Variants in HSDL2 observed in about 807,000 individuals in gnomAD.
The protein encoded by HSDL2 is hydroxysteroid dehydrogenase-like protein 2.
HSDL2 carries 27 observed loss-of-function variants against 46.3 expected under a neutral mutation model. That is an observed-to-expected ratio of 0.58 (90% CI 0.43 to 0.80). The LOEUF is 0.80. Among genes scored for constraint, HSDL2 ranks in the 30% least tolerant of loss-of-function variants. The pLI is 0.00. For synonymous variants in HSDL2, 153 were observed against 163.6 expected (o/e 0.94, Z 0.50); for missense variants, 451 against 502.7 (o/e 0.90, Z 0.98).
At chr9:112,436,960 C>CTTTTTTTTTTTTTTT (rs780957603) in intron 6 of HSDL2, among the ~76,000 whole-genome samples, 14 of 126,778 alleles carry the variant, frequency 1.1e-4, no homozygotes, top group Admixed American at 2.6e-4. Context: ...TTCTTTTTTT[C>CTTTTTTTTTTTTTTT]TTTTTTTTTT....
chr9:112,427,712 T>G (rs1196770272), intron 6 of HSDL2, among the ~76,000 whole-genome samples: 1 of 152,110 alleles, frequency 6.6e-6, no homozygotes, highest in African/African-American at 2.4e-5. Context: ...TCATTCCAGA[T>G]TTTCCTGATT....
At chr9:112,459,647 C>T in intron 10 of HSDL2, 70 bp downstream of exon 10, 1 of 1,335,924 alleles carries the variant, frequency 7.5e-7, no homozygotes, top group Non-Finnish European at 1.1e-6. Context: ...TTGCTTTATC[C>T]CTTCCCAAAT....
intron 4 of HSDL2, among the ~76,000 whole-genome samples, chr9:112,414,447 G>A (rs1427303135): frequency 1.3e-5 from 2 of 152,114 alleles, no homozygotes; most frequent in African/African-American, 4.8e-5. Context: ...TTCGGCTGAA[G>A]GTATCAGTAT....
chr9:112,421,935 A>T (rs1390763344), intron 6 of HSDL2, among the ~76,000 whole-genome samples: 1 of 152,176 alleles, frequency 6.6e-6, no homozygotes, highest in Non-Finnish European at 1.5e-5. Context: ...GTTCTCTCTG[A>T]GCTAGAGGAC....
At chr9:112,415,743 T>C (rs1206179236) in intron 4 of HSDL2, among the ~76,000 whole-genome samples, 1 of 152,170 alleles carries the variant, frequency 6.6e-6, no homozygotes, top group African/African-American at 2.4e-5. Context: ...GGATGAAAAT[T>C]AGTTGCTTTT....
In HSDL2 at chr9:112,405,706, C is replaced by A; in HGVS notation, c.264C>A (p.Ala88=). The A allele has an allele frequency of 6.2e-7, 1 of 1,608,044 alleles. No homozygotes were observed. The highest frequency in any genetic ancestry group is 8.5e-7 in the Non-Finnish European group (1 of 1,176,530). The change falls in exon 3 of 11, where the codon GCC becomes GCA. Residue 88 remains alanine, a synonymous_variant. Coordinates refer to ENST00000398805, the MANE Select transcript of HSDL2 (RefSeq NM_032303.5). The part of the protein sequence containing the change: ...EQQISAAVEK[A]IKKFGGIDIL... ...AGATCAGTGCTGCAGTGGAGAAAGC[C>A]ATCAAGAAATTTGGAGGTAATACCT...
intron 10 of HSDL2, among the ~76,000 whole-genome samples, chr9:112,461,771 C>T (rs1833216989): frequency 6.6e-6 from 1 of 152,144 alleles, no homozygotes; most frequent in Admixed American, 6.6e-5. Flanking sequence ...AACTCCAAAG[C>T]TTATGCTCTT....
At chr9:112,404,536 A>T (rs1587935801) in intron 2 of HSDL2, among the ~76,000 whole-genome samples, 1 of 141,278 alleles carries the variant, frequency 7.1e-6, no homozygotes, top group Non-Finnish European at 1.6e-5. Context: ...TCCATCTCTT[A>T]AAAAAAAAAA....
At chr9:112,464,213 GACACACACACAGACACACACACACACAC>G (rs1371224890) in intron 10 of HSDL2, among the ~76,000 whole-genome samples, 2 of 146,626 alleles carry the variant, frequency 1.4e-5, no homozygotes, top group Non-Finnish European at 3.0e-5. Flanking sequence ...CACACACACA[GACACACACACAGACACACACACACACAC>G]ACACACACAC....
chr9:112,452,761 C>T (rs1163968508), intron 8 of HSDL2, among the ~76,000 whole-genome samples: 1 of 152,028 alleles, frequency 6.6e-6, no homozygotes, highest in African/African-American at 2.4e-5. Context: ...AATAAAGGAA[C>T]AGAGACAGTA....
intron 8 of HSDL2, among the ~76,000 whole-genome samples, chr9:112,450,954 A>G (rs1038327106): frequency 6.6e-6 from 1 of 152,124 alleles, no homozygotes; most frequent in African/African-American, 2.4e-5. Context: ...TGTAATCCCA[A>G]TCATGGGTGG....
rs543331423 is a variant in HSDL2, at chr9:112,380,149, T to C, written c.-15T>C. 2 of 1,569,450 alleles carry C rather than the reference T, an allele frequency of 1.3e-6. No individual in the cohort carries two copies. Among genetic ancestry groups the C allele is most frequent in the East Asian group, 2.3e-5 (1 of 42,658 alleles). On this transcript the variant is annotated 5_prime_UTR_variant, in exon 1 of 11. Transcript: ENST00000398805. ...CCGCCGCTGTCGCCGCCACCTCCTC[T>C]GATCTACGAAAGTCATGTTACCCAA...
intron 6 of HSDL2, among the ~76,000 whole-genome samples, chr9:112,427,858 G>A (rs1439503224): frequency 6.6e-6 from 1 of 152,176 alleles, no homozygotes; most frequent in Admixed American, 6.5e-5. Context: ...TGATTGGACA[G>A]TTATCACGCA....
chr9:112,469,236 T>C (rs1290335678), intron 10 of HSDL2, among the ~76,000 whole-genome samples: 1 of 151,742 alleles, frequency 6.6e-6, no homozygotes, highest in Non-Finnish European at 1.5e-5. Context: ...TAGCTTAATA[T>C]AATATATATA....
At position 112,472,256 on chromosome 9, in the gene HSDL2, G is replaced by C. The variant is rs1329172561; in HGVS notation, c.*1712G>C. The C allele has an allele frequency of 6.6e-6, 1 of 152,166 alleles. No homozygotes were observed. The highest frequency in any genetic ancestry group is 2.4e-5 in the African/African-American group (1 of 41,418). 9.4% of individuals were successfully genotyped at this position (152,166 alleles called of 1,614,324 possible). On this transcript the variant is annotated 3_prime_UTR_variant, in exon 11 of 11. Transcript: ENST00000398805. ...GAAGTAACCTGATGTTAACCAATCTGCTGTGTCTACTATGCTGTTTCCTTG... is the reference window on the plus strand; with the variant it reads ...GAAGTAACCTGATGTTAACCAATCTCCTGTGTCTACTATGCTGTTTCCTTG...
chr9:112,445,892 CATA>C (rs1011450916), intron 8 of HSDL2, among the ~76,000 whole-genome samples: 3 of 152,126 alleles, frequency 2.0e-5, no homozygotes, highest in Non-Finnish European at 2.9e-5. Context: ...ACAGAAATAT[CATA>C]TATCCCACAC....
intron 10 of HSDL2, among the ~76,000 whole-genome samples, chr9:112,464,542 G>T (rs1270982812): frequency 6.6e-6 from 1 of 151,940 alleles, no homozygotes; most frequent in Non-Finnish European, 1.5e-5. Flanking sequence ...GCCTGTTTCT[G>T]GTATATATAG....
At chr9:112,381,809 A>G (rs1392929921) in intron 1 of HSDL2, among the ~76,000 whole-genome samples, 1 of 152,074 alleles carries the variant, frequency 6.6e-6, no homozygotes, top group African/African-American at 2.4e-5. Context: ...CCTGTTCCCT[A>G]TTGTTGGATA....
At chr9:112,452,791 T>C (rs930537223) in intron 8 of HSDL2, among the ~76,000 whole-genome samples, 11 of 152,154 alleles carry the variant, frequency 7.2e-5, no homozygotes, top group Non-Finnish European at 1.6e-4. Context: ...AGCATCATGA[T>C]ATGGGAGCAA....
Sources: gnomAD v4.1 joint callset for allele counts (sites outside exome capture counted in the v4.1 genomes callset) on GRCh38, gnomAD v4.1.1 for gene constraint, MANE v1.5 for transcripts, NCBI Gene and HGNC (gene_info 2026-07-23, HGNC 2026-07-21) for gene names.